Variants in COL20A1 observed in about 807,000 individuals in gnomAD.
COL20A1 encodes collagen alpha-1(XX) chain.
Under a neutral mutation model 152.9 loss-of-function variants are expected in COL20A1, and 164 were observed. That is an observed-to-expected ratio of 1.07 (90% CI 0.94 to 1.22). The LOEUF (loss-of-function observed/expected upper bound fraction) is 1.22, where lower values mean the gene tolerates loss of function less well. Among genes scored for constraint, COL20A1 ranks in the 50% most tolerant of loss-of-function variants. COL20A1 has a pLI of 0.00. For synonymous variants in COL20A1, 864 were observed against 756.0 expected, an observed-to-expected ratio of 1.14 and a Z score of -2.34; for missense variants, 1,873 against 1,744.8, an observed-to-expected ratio of 1.07 and a Z score of -1.31.
At chr20:63,321,281 C>CT (rs2068159328) in intron 26 of COL20A1, among the ~76,000 whole-genome samples, 182 bp downstream of exon 26, 1 of 152,138 alleles carries the variant, frequency 6.6e-6, no homozygotes, top group Non-Finnish European at 1.5e-5. Flanking sequence ...AGACAGAGGC[C>CT]TGGCCCAGCC....
At chr20:63,315,476 C>G in intron 20 of COL20A1, 37 bp downstream of exon 20, 1 of 1,540,278 alleles carries the variant, frequency 6.5e-7, no homozygotes, top group South Asian at 1.2e-5. Flanking sequence ...TGCCCACCCA[C>G]AGTCTCTCGG....
intron 27 of COL20A1, among the ~76,000 whole-genome samples, chr20:63,322,631 G>A (rs954348929): frequency 1.4e-4 from 22 of 152,352 alleles, no homozygotes; most frequent in African/African-American, 7.2e-5. Context: ...AAGACAGCGC[G>A]CCCAGCGATG....
intron 21 of COL20A1, among the ~76,000 whole-genome samples, chr20:63,317,876 TCTC>T (rs910516950): frequency 4.0e-5 from 6 of 151,682 alleles, no homozygotes; most frequent in African/African-American, 1.5e-4. Flanking sequence ...CCCGCCCCCC[TCTC>T]CTCTTCCTCG....
In COL20A1 at chr20:63,332,628, CGG is replaced by C. The variant is rs1224734248; in HGVS notation, c.*1917_*1918del. The C allele has an allele frequency of 6.6e-6, 1 of 152,208 alleles. No individual in the cohort carries two copies. Among genetic ancestry groups the C allele is most frequent in the Non-Finnish European group, 1.5e-5 (1 of 68,066 alleles). The allele number at this position is 152,208 out of a possible 1,614,324, so 9.4% of individuals were successfully genotyped here. On this transcript the variant is annotated 3_prime_UTR_variant, in exon 36 of 36. Coordinates refer to ENST00000358894, the MANE Select transcript of COL20A1 (RefSeq NM_020882.4). ...GGCAGCCAGGAGGAGGCAGCCTGGC[CGG>C]GGGGAACCAGGGTGGCTCTAATCCC...
At chr20:63,297,723 G>T (rs1188444905) in intron 2 of COL20A1, among the ~76,000 whole-genome samples, 187 bp from the exon 3 acceptor site, 1 of 152,244 alleles carries the variant, frequency 6.6e-6, no homozygotes, top group Non-Finnish European at 1.5e-5. Context: ...CCCAGGCGAG[G>T]CCTCGTATCC....
intron 3 of COL20A1, among the ~76,000 whole-genome samples, chr20:63,302,578 C>T (rs956214126): frequency 5.3e-5 from 8 of 152,190 alleles, no homozygotes; most frequent in African/African-American, 1.4e-4. Context: ...GCCTCGGCCT[C>T]CCAAAGTGCT....
intron 20 of COL20A1, among the ~76,000 whole-genome samples, 193 bp from the exon 21 acceptor site, chr20:63,316,360 C>T (rs2068083923): frequency 6.6e-6 from 1 of 152,058 alleles, no homozygotes; most frequent in Non-Finnish European, 1.5e-5. Flanking sequence ...GATGCCCAGC[C>T]CAGGGCCTGA....
At chr20:63,325,193 G>T in intron 27 of COL20A1, 1 of 661,754 alleles carries the variant, frequency 1.5e-6, no homozygotes. Flanking sequence ...GGGAGGGCTG[G>T]CTGTGACCCA....
intron 3 of COL20A1, among the ~76,000 whole-genome samples, chr20:63,300,345 G>T (rs890428457): frequency 6.6e-6 from 1 of 152,084 alleles, no homozygotes; most frequent in Non-Finnish European, 1.5e-5. Context: ...GGCTTGTGGT[G>T]TGTGTGTATG....
intron 24 of COL20A1, 34 bp downstream of exon 24, chr20:63,320,231 C>G: frequency 2.4e-5 from 39 of 1,602,420 alleles, no homozygotes; most frequent in Non-Finnish European, 3.0e-5. Flanking sequence ...CTGGGCCACG[C>G]TGGTGGGGGC....
At chr20:63,312,722 T>C (rs2068026414) in intron 15 of COL20A1, 70 bp from the exon 16 acceptor site, 3 of 1,478,604 alleles carry the variant, frequency 2.0e-6, no homozygotes, top group Admixed American at 4.6e-5. Flanking sequence ...CTCCTGGGTG[T>C]GGCTGCCCCT....
chr20:63,322,907 G>A (rs1388067381), intron 27 of COL20A1, among the ~76,000 whole-genome samples: 1 of 152,226 alleles, frequency 6.6e-6, no homozygotes, highest in Non-Finnish European at 1.5e-5. Flanking sequence ...CTTTGTCTGC[G>A]GTTGTGCTGG....
At chr20:63,308,320 A>G (rs1305638118) in intron 7 of COL20A1, among the ~76,000 whole-genome samples, 3 of 152,182 alleles carry the variant, frequency 2.0e-5, no homozygotes, top group African/African-American at 7.2e-5. Context: ...GGCTGGGTCC[A>G]CACCCGGCCC....
rs1310962930 is a variant in COL20A1 at position 63,305,027 on chromosome 20, C to T, written c.194-390C>T. 6.6e-6 allele frequency among the ~76,000 whole-genome samples: 1 copy of T among 152,152 alleles called. No individual in the cohort carries two copies. The highest frequency in any genetic ancestry group is 1.5e-5 in the Non-Finnish European group (1 of 68,020). ...GTCCGTGCAGCCCATAGGGTAGGAG[C>T]CTGTGGGAGTGGGCAGGGCCCTGGC... On this transcript the variant is annotated intron_variant, in intron 3 of 35. Coordinates refer to ENST00000358894, the MANE Select transcript of COL20A1 (RefSeq NM_020882.4). The surrounding 1 kb of genome is among the most constrained non-coding windows in gnomAD (Gnocchi z 4.9).
In COL20A1 at chr20:63,297,914, C is replaced by T. The variant is rs761610149; in HGVS notation, c.87C>T (p.Ser29=). The T allele has an allele frequency of 6.9e-5, 111 of 1,612,302 alleles. No homozygotes were observed. The highest frequency in any genetic ancestry group is 1.8e-4 in the East Asian group (8 of 44,894). ...ATLGREQVQA[S]GLLRLAVLPE... is the part of the protein sequence containing the mutation. ...CACTATGTCCTGTTTCTGTAGCAAG[C>T]GGTCTCCTGAGGCTGGCTGTGCTGC... Residue 29 remains serine (S), a synonymous_variant, in exon 3 of 36, where the codon AGC becomes AGT. Transcript: ENST00000358894.
chr20:63,315,484 C>A, intron 20 of COL20A1, 45 bp downstream of exon 20: 1 of 1,518,698 alleles, frequency 6.6e-7, no homozygotes, highest in Non-Finnish European at 8.9e-7. Context: ...CACAGTCTCT[C>A]GGGCTCTTCC....
chr20:63,329,091 G>T, intron 34 of COL20A1: 1 of 172,812 alleles, frequency 5.8e-6, no homozygotes, highest in South Asian at 1.4e-4. Context: ...TGCACTGGCC[G>T]GGGCAGCAGC....
At position 63,308,693 on chromosome 20, in the gene COL20A1, C is replaced by T. The variant is rs530034887; in HGVS notation, c.927C>T (p.Asn309=). Residue 309 remains asparagine (N), a synonymous_variant, in exon 8 of 36, where the codon AAC becomes AAT. Coordinates refer to ENST00000358894, the MANE Select transcript of COL20A1 (RefSeq NM_020882.4). ...AARVLKDLGV[N]VFAVGVKNAD... The stretch of plus-strand genomic sequence containing the variant: ...GTGTCCTCAAGGACCTGGGCGTGAA[C>T]GTCTTCGCTGTGGGTGAGCACCATG... 4.2e-5 allele frequency: 67 copies of T among 1,603,726 alleles called. No individual in the cohort carries two copies. Among genetic ancestry groups the T allele is most frequent in the East Asian group, 3.6e-4 (16 of 44,428 alleles).
chr20:63,325,479 G>A lies in COL20A1; in HGVS notation c.3333G>A (p.Gly1111=), dbSNP rs2068231274. The change falls in exon 28 of 36, where the codon GGG becomes GGA. Residue 1111 remains glycine (G), a synonymous_variant. Transcript: ENST00000358894. Reference sequence around the variant, plus strand: ...TCAAAGGAGAGAAGGGAGACCATGGGCTTCCAGGCTTGCAGGTAGTGTGGC... The same window carrying A: ...TCAAAGGAGAGAAGGGAGACCATGGACTTCCAGGCTTGCAGGTAGTGTGGC... The part of the protein sequence containing the change: ...PGVKGEKGDH[G]LPGLQGHPGH... The A allele has an allele frequency of 6.2e-7, 1 of 1,612,756 alleles. No individual in the cohort carries two copies. Among genetic ancestry groups the A allele is most frequent in the South Asian group, 1.1e-5 (1 of 91,018 alleles).
Sources: gnomAD v4.1 joint callset for allele counts (sites outside exome capture counted in the v4.1 genomes callset) on GRCh38, gnomAD v4.1.1 for gene constraint, Gnocchi (gnomAD v3.1) non-coding constraint, MANE v1.5 for transcripts, NCBI Gene and HGNC (gene_info 2026-07-23, HGNC 2026-07-21) for gene names.